The following TTN variants were observed in gnomAD, a reference collection of about 807,000 sequenced individuals.
The protein encoded by TTN is titin.
TTN carries 1,525 observed loss-of-function variants against 3,223.0 expected under a neutral mutation model. That is an observed-to-expected ratio of 0.47 (90% CI 0.45 to 0.49). The LOEUF (loss-of-function observed/expected upper bound fraction) is 0.49, where lower values mean the gene tolerates loss of function less well. Among genes scored for constraint, TTN ranks in the 20% least tolerant of loss-of-function variants. TTN has a pLI of 0.00. For synonymous variants in TTN, 14,094 were observed against 15,161.0 expected (o/e 0.93, Z 5.17); for missense variants, 40,786 against 43,424.0 (o/e 0.94, Z 5.40).
At chr2:178,774,678 G>T (rs1421445064) in intron 29 of TTN, 5 of 689,396 alleles carry the variant, frequency 7.3e-6, no homozygotes, top group Non-Finnish European at 1.2e-5. Context: ...TGAAAGTAAA[G>T]AATTATGCTT....
At position 178,614,189 on chromosome 2, in the gene TTN, G is replaced by T. The variant is rs774691242; in HGVS notation, c.49208C>A (p.Ser16403Tyr). The change falls in exon 262 of 363, where the codon TCC (serine) becomes TAC (tyrosine). Residue 16403 changes from serine to tyrosine, a missense_variant. By Grantham distance (144) the Ser-to-Tyr change is moderately radical. Transcript: ENST00000589042. ...TDSEVWHKLS[S>Y]TVKDTNFKAT... Reference sequence around the variant, plus strand: ...CTTGAAGTTTGTATCCTTGACGGTGGATGAGAGCTTGTGCCACACTTCACT... The same window carrying T: ...CTTGAAGTTTGTATCCTTGACGGTGTATGAGAGCTTGTGCCACACTTCACT... The T allele has an allele frequency of 3.1e-6, 5 of 1,612,312 alleles. No homozygotes were observed. The highest frequency in any genetic ancestry group is 3.4e-6 in the Non-Finnish European group (4 of 1,179,210).
rs561976767 is a variant in TTN at position 178,799,478 on chromosome 2, C to T, written c.914+9G>A. ...GTGCAATAATCTGCTCTCTCTATGG[C>T]AGCTTTACCTGACCGGAGATGGGGT... On this transcript the variant is annotated intron_variant, in intron 6 of 362. Transcript: ENST00000589042. The T allele has an allele frequency of 6.2e-7, 1 of 1,614,126 alleles. No homozygotes were observed. Among genetic ancestry groups the T allele is most frequent in the African/African-American group, 1.3e-5 (1 of 75,064 alleles).
Position 178,714,169 on chromosome 2 carries a change from G to T in TTN, c.26489C>A (p.Ala8830Glu). 6.2e-7 allele frequency: 1 copy of T among 1,608,274 alleles called. No homozygotes were observed. The highest frequency in any genetic ancestry group is 2.2e-5 in the East Asian group (1 of 44,828). The change falls in exon 92 of 363, where the codon GCA becomes GAA. Residue 8830 changes from alanine to glutamate, a missense_variant. Physicochemically the swap from Ala to Glu is moderately radical, Grantham distance 107 (BLOSUM62 -1). Coordinates refer to ENST00000589042, the MANE Select transcript of TTN (RefSeq NM_001267550.2). ...GGATTCTGGCTTTTCTACAATTGTT[G>T]CAGGCTCTGGAATGAAATGTAAAAG... Reference protein sequence around the residue: ...CFATLSVLEPATIVEKPESIK... With the variant: ...CFATLSVLEPETIVEKPESIK...
chr2:178,754,182 T>C (rs1304238677), intron 46 of TTN, among the ~76,000 whole-genome samples: 1 of 152,130 alleles, frequency 6.6e-6, no homozygotes, highest in Non-Finnish European at 1.5e-5. Flanking sequence ...AATAACTGTA[T>C]TCAAAAAGAC....
In TTN at chr2:178,640,186, GC is replaced by G. The variant is rs1335225579; in HGVS notation, c.40724-77del. The G allele has an allele frequency of 8.3e-6, 11 of 1,324,938 alleles. No homozygotes were observed. The African/African-American group carries it at 1.6e-4, about 20-fold the overall frequency. The allele number at this position is 1,324,938 out of a possible 1,614,324, so 82.1% of individuals were successfully genotyped here. The stretch of plus-strand genomic sequence containing the variant: ...TTCACAAAGTCAAAACTAAAATTAA[GC>G]CCACGTATCTTGGAAGATATTAGAA... On this transcript the variant is annotated intron_variant, in intron 221 of 362. Coordinates refer to ENST00000589042, the MANE Select transcript of TTN (RefSeq NM_001267550.2).
Position 178,750,898 on chromosome 2 carries a change from T to C in TTN, c.11311+2226A>G, listed in dbSNP as rs777670287. On this transcript the variant is annotated intron_variant, in intron 47 of 362. Coordinates refer to ENST00000589042, the MANE Select transcript of TTN (RefSeq NM_001267550.2). ...TAATTTCTTCCAGCTGTCCTCTTGC[T>C]TGGGTATTTTCATTTACTAGAATTT... The C allele has an allele frequency of 4.3e-6, 7 of 1,612,814 alleles. 1 individual carries two copies. In the South Asian group the frequency reaches 6.6e-5, roughly 15 times the overall value.
In TTN at chr2:178,538,531, G is replaced by T. The variant is rs767433704; in HGVS notation, c.99289+9C>A. On this transcript the variant is annotated intron_variant, in intron 354 of 362. Transcript: ENST00000589042. The stretch of plus-strand genomic sequence containing the variant: ...GTAAATCATAAGTAGAGAACCAAAG[G>T]CTACTTACATGTGAGTTTAGTCTTT... The T allele has an allele frequency of 6.3e-7, 1 of 1,599,518 alleles. No individual in the cohort carries two copies. Among genetic ancestry groups the T allele is most frequent in the South Asian group, 1.1e-5 (1 of 89,024 alleles).
rs758799742 is a variant in TTN at position 178,739,260 on chromosome 2, G to A, written c.13973C>T (p.Thr4658Ile). ...EKFKCLQDQNTYTLVIDKVNT... is the reference protein window; with the variant it reads ...EKFKCLQDQNIYTLVIDKVNT... ...TACTTTGTCGATGACTAGCGTATAT[G>A]TATTTTGATCTTGTAAACACTTGAA... The change falls in exon 48 of 363, where the codon ACA (threonine) becomes ATA (isoleucine). Residue 4658 changes from threonine (T) to isoleucine (I), a missense_variant. Thr to Ile is a moderately conservative substitution (Grantham distance 89, BLOSUM62 -1). Coordinates refer to ENST00000589042, the MANE Select transcript of TTN (RefSeq NM_001267550.2). 8 of 1,608,892 alleles carry A rather than the reference G, an allele frequency of 5.0e-6. No homozygotes were observed. The highest frequency in any genetic ancestry group is 1.7e-5 in the Admixed American group (1 of 59,838).
chr2:178,557,902 G>A lies in TTN; in HGVS notation c.87452C>T (p.Thr29151Ile). The A allele has an allele frequency of 6.2e-7, 1 of 1,613,532 alleles. No individual in the cohort carries two copies. The highest frequency in any genetic ancestry group is 8.5e-7 in the Non-Finnish European group (1 of 1,179,848). ...CCATTTGAGAGTCACACTTTCTTCA[G>A]TTATATCACTAATAACAACAGGGCC... ...PTGPVVISDI[T>I]EESVTLKWEP... The change falls in exon 328 of 363, where the codon ACT becomes ATT. Residue 29151 changes from threonine to isoleucine, a missense_variant. Transcript: ENST00000589042.
Position 178,613,759 on chromosome 2 carries a change from T to G in TTN, c.49524A>C (p.Thr16508=). 6.2e-7 allele frequency: 1 copy of G among 1,612,196 alleles called. No individual in the cohort carries two copies. Among genetic ancestry groups the G allele is most frequent in the East Asian group, 2.2e-5 (1 of 44,736 alleles). ...GGGGATTCTGAGCATACCTGTATGT[T>G]GTGTCCTTTACTGGCATCTTATTGC... is the stretch of plus-strand genomic sequence containing the variant. ...VRCNKMPVKD[T]TYRVKGLTNK... Residue 16508 remains threonine (T), a synonymous_variant, in exon 263 of 363, where the codon ACA becomes ACC. Transcript: ENST00000589042.
In TTN at chr2:178,753,413, C is replaced by T. The variant is rs1214760153; in HGVS notation, c.11255-233G>A. The T allele has an allele frequency of 7.2e-6, 3 of 415,220 alleles. No individual in the cohort carries two copies. The Admixed American group carries it at 1.2e-4, about 17-fold the overall frequency. The allele number at this position is 415,220 out of a possible 1,614,324, so 25.7% of individuals were successfully genotyped here. A position where few individuals can be genotyped will look rare whatever the true frequency, so the allele number is the denominator to read the frequency against. On this transcript the variant is annotated intron_variant, in intron 46 of 362. Coordinates refer to ENST00000589042, the MANE Select transcript of TTN (RefSeq NM_001267550.2). ...TTTTAGGTTCTTCATGAAATTTCCACTTTTAGTTCTATAATTCCCCATGCC... is the reference window on the plus strand; with the variant it reads ...TTTTAGGTTCTTCATGAAATTTCCATTTTTAGTTCTATAATTCCCCATGCC...
intron 78 of TTN, among the ~76,000 whole-genome samples, chr2:178,721,462 T>C (rs556747400): frequency 6.6e-6 from 1 of 152,106 alleles, no homozygotes; most frequent in East Asian, 1.9e-4. Context: ...AGAATTTAGT[T>C]GATTCTTTTT....
chr2:178,633,139 C>T (rs1417122568), intron 233 of TTN, 48 bp downstream of exon 233: 3 of 1,602,544 alleles, frequency 1.9e-6, no homozygotes, highest in African/African-American at 2.7e-5. Context: ...TTTCACCCTA[C>T]ACAACCAAGC....
intron 294 of TTN, among the ~76,000 whole-genome samples, chr2:178,596,189 C>T (rs552194340): frequency 1.3e-5 from 2 of 151,996 alleles, no homozygotes; most frequent in South Asian, 4.2e-4. Flanking sequence ...CAGGGTTTCA[C>T]CATGTTGGTC....
rs930888410 is a variant in TTN at position 178,739,661 on chromosome 2, A to G, written c.13572T>C (p.Val4524=). The G allele has an allele frequency of 3.1e-6, 5 of 1,613,802 alleles. No homozygotes were observed. The African/African-American group carries it at 5.3e-5, about 17-fold the overall frequency. The change falls in exon 48 of 363, where the codon GTT becomes GTC. Residue 4524 remains valine, a synonymous_variant. Coordinates refer to ENST00000589042, the MANE Select transcript of TTN (RefSeq NM_001267550.2). ...CAGTTGAGATCAGATATTTAGATTC[A>G]ACTTCTGGTTCAGTAATGGGTTCAA... is the stretch of plus-strand genomic sequence containing the variant. ...QKVEPITEPE[V]ESKYLISTEE...
chr2:178,669,262 A>T, intron 159 of TTN, 111 bp downstream of exon 159: 1 of 805,116 alleles, frequency 1.2e-6, no homozygotes, highest in Non-Finnish European at 1.9e-6. Context: ...GTGGCATGTT[A>T]GGCTTTTATA....
chr2:178,702,193 C>T lies in TTN; in HGVS notation c.30486G>A (p.Thr10162=), dbSNP rs1046922182. The T allele has an allele frequency of 7.4e-6, 12 of 1,613,808 alleles. No homozygotes were observed. The highest frequency in any genetic ancestry group is 6.7e-5 in the African/African-American group (5 of 74,898). ...CTTTCGTCGTTAGGTACAGCTCTGC[C>T]GTGCTTCTTGCTTCACCTCTTGGCT... ...RLEPRGEARS[T]AELYLTTKEI... is the part of the protein sequence containing the mutation. The change falls in exon 108 of 363, where the codon ACG becomes ACA. Residue 10162 remains threonine, a synonymous_variant. Coordinates refer to ENST00000589042, the MANE Select transcript of TTN (RefSeq NM_001267550.2).
At position 178,566,391 on chromosome 2, in the gene TTN, C is replaced by T; in HGVS notation, c.79741G>A (p.Val26581Met). 1 of 1,613,470 alleles carries T rather than the reference C, an allele frequency of 6.2e-7. No individual in the cohort carries two copies. The highest frequency in any genetic ancestry group is 8.5e-7 in the Non-Finnish European group (1 of 1,179,670). ...GCTTCAAGTTTATCTTCTGGTTTCACAGTACCAGGAACTGATGTAGCCTCA... is the reference window on the plus strand; with the variant it reads ...GCTTCAAGTTTATCTTCTGGTTTCATAGTACCAGGAACTGATGTAGCCTCA... Reference protein sequence around the residue: ...LGEATSVPGTVKPEDKLEAPE... With the variant: ...LGEATSVPGTMKPEDKLEAPE... The change falls in exon 326 of 363, where the codon GTG becomes ATG. Residue 26581 changes from valine (V) to methionine (M), a missense_variant. Val to Met is a conservative substitution (Grantham distance 21). Coordinates refer to ENST00000589042, the MANE Select transcript of TTN (RefSeq NM_001267550.2).
intron 162 of TTN, 98 bp downstream of exon 162, chr2:178,667,138 C>T: frequency 8.8e-7 from 1 of 1,135,524 alleles, no homozygotes; most frequent in Non-Finnish European, 1.2e-6. Flanking sequence ...AGTATTTTAA[C>T]ATTAGAGGTT....
Sources: allele counts gnomAD v4.1 joint callset (sites outside exome capture counted in the v4.1 genomes callset), GRCh38; gene constraint gnomAD v4.1.1; transcripts MANE v1.5; gene names NCBI Gene and HGNC (gene_info 2026-07-23, HGNC 2026-07-21).